Variants in AGBL4 observed in about 807,000 individuals in gnomAD.
AGBL4 encodes AGBL carboxypeptidase 4.
A neutral mutation model predicts 66.4 loss-of-function variants in AGBL4; 58 were observed. That is an observed-to-expected ratio of 0.87 (90% CI 0.71 to 1.09). The LOEUF (loss-of-function observed/expected upper bound fraction) is 1.09. Ranked by LOEUF, AGBL4 falls within the 50% of genes least tolerant of loss-of-function variation. AGBL4 has a pLI of 0.00. For missense variants in AGBL4, 579 were observed against 631.0 expected, an observed-to-expected ratio of 0.92 and a Z score of 0.88; for synonymous variants, 234 against 222.9, an observed-to-expected ratio of 1.05 and a Z score of -0.44.
In AGBL4 at chr1:48,721,770, C is replaced by A. The variant is rs530923458; in HGVS notation, c.635-58529G>T. Among the ~76,000 whole-genome samples the A allele has an allele frequency of 3.3e-5, 5 of 152,282 alleles. No individual in the cohort carries two copies. In the East Asian group the frequency reaches 9.6e-4, roughly 29 times the overall value. On this transcript the variant is annotated intron_variant, in intron 6 of 13. Transcript: ENST00000371839. ...GCACTGGGACTGAGTTGTGGTGACC[C>A]CAGGTTTGTCTCTGCTCCGTTGCTC...
At chr1:49,794,880 T>C (rs2147935634) in intron 2 of AGBL4, among the ~76,000 whole-genome samples, 1 of 152,076 alleles carries the variant, frequency 6.6e-6, no homozygotes, top group South Asian at 2.1e-4. Context: ...TTTTGAGGTC[T>C]AGAAATTGGT....
intron 3 of AGBL4, among the ~76,000 whole-genome samples, chr1:49,621,664 G>T (rs1014956413): frequency 2.6e-4 from 40 of 152,186 alleles, no homozygotes; most frequent in Non-Finnish European, 2.9e-5. Flanking sequence ...TTCCTAATTA[G>T]ATGGGGAGGA....
chr1:48,525,298 A>G, the AGBL4 span, among the ~76,000 whole-genome samples: 1 of 152,150 alleles, frequency 6.6e-6, no homozygotes, highest in Non-Finnish European at 1.5e-5. Flanking sequence ...GGTTCCCTAG[A>G]AGCTCAGGGC....
chr1:49,813,583 T>C (rs764900158), intron 2 of AGBL4, among the ~76,000 whole-genome samples: 6 of 152,164 alleles, frequency 3.9e-5, no homozygotes, highest in African/African-American at 7.2e-5. Flanking sequence ...TACTCACTTA[T>C]GTAATCAGTA....
At chr1:49,962,585 T>C (rs764448976) in intron 1 of AGBL4, among the ~76,000 whole-genome samples, 17 of 152,252 alleles carry the variant, frequency 1.1e-4, no homozygotes, top group South Asian at 1.0e-3. Flanking sequence ...ATAAAATATG[T>C]TTTCATTCAA....
intron 3 of AGBL4, among the ~76,000 whole-genome samples, chr1:49,324,831 T>C (rs1645197656): frequency 6.6e-6 from 1 of 152,236 alleles, no homozygotes. Flanking sequence ...TCTATATATA[T>C]ATCCAGTGTT....
At chr1:49,068,352 G>C (rs1240741789) in intron 4 of AGBL4, among the ~76,000 whole-genome samples, 2 of 151,458 alleles carry the variant, frequency 1.3e-5, no homozygotes, top group African/African-American at 2.4e-5. Flanking sequence ...TTTACATTAG[G>C]TATTTCTCCT....
At chr1:48,620,269 C>T (rs958013287) in intron 9 of AGBL4, among the ~76,000 whole-genome samples, 5 of 152,056 alleles carry the variant, frequency 3.3e-5, no homozygotes, top group African/African-American at 4.8e-5. Flanking sequence ...TATTTATTTA[C>T]GTATTTAAAT....
intron 8 of AGBL4, among the ~76,000 whole-genome samples, chr1:48,652,585 G>A (rs766590676): frequency 1.1e-4 from 16 of 152,162 alleles, no homozygotes; most frequent in African/African-American, 1.4e-4. Context: ...TGGGCCGAAC[G>A]AGCTCTAAAA....
chr1:49,180,239 G>C (rs543629843), intron 4 of AGBL4, among the ~76,000 whole-genome samples: 168 of 152,134 alleles, frequency 1.1e-3, no homozygotes, highest in Admixed American at 2.4e-3. Context: ...CTGTAAATAA[G>C]GACAATAATA....
chr1:49,207,578 C>CTTTCT (rs1553166438), intron 4 of AGBL4, among the ~76,000 whole-genome samples: 2 of 108,562 alleles, frequency 1.8e-5, no homozygotes, highest in Non-Finnish European at 3.9e-5. Context: ...TTCTTTCTTT[C>CTTTCT]TTTCTTTCTT....
intron 5 of AGBL4, among the ~76,000 whole-genome samples, chr1:48,912,709 G>T (rs1653248142): frequency 1.3e-5 from 2 of 152,150 alleles, no homozygotes; most frequent in Admixed American, 1.3e-4. Context: ...AGCCCCTAAT[G>T]AAACCTCATG....
At chr1:49,643,186 G>A (rs751261395) in intron 3 of AGBL4, among the ~76,000 whole-genome samples, 11 of 151,716 alleles carry the variant, frequency 7.3e-5, no homozygotes, top group Non-Finnish European at 1.0e-4. Flanking sequence ...TACACCAAAC[G>A]GGACTAAAGG....
rs112941189 is a variant in AGBL4 at position 49,725,325 on chromosome 1, G to C, written c.158-27888C>G. ...CTGAGTTCATGTCAAAACTTTTCTG[G>C]CTACAAATTGTTTCAAATCTATAAA... On this transcript the variant is annotated intron_variant, in intron 2 of 13. Transcript: ENST00000371839. Among the ~76,000 whole-genome samples the C allele has an allele frequency of 7.2e-5, 11 of 152,210 alleles. 1 individual carries two copies. Among genetic ancestry groups the C allele is most frequent in the African/African-American group, 2.6e-4 (11 of 41,538 alleles).
At chr1:48,700,700 A>T (rs1646787570) in intron 6 of AGBL4, among the ~76,000 whole-genome samples, 1 of 152,130 alleles carries the variant, frequency 6.6e-6, no homozygotes, top group Admixed American at 6.5e-5. Flanking sequence ...AAAGGAAGGG[A>T]GCTAAGAAGT....
intron 3 of AGBL4, among the ~76,000 whole-genome samples, chr1:49,491,042 T>C (rs2148743350): frequency 6.6e-6 from 1 of 151,898 alleles, no homozygotes; most frequent in South Asian, 2.1e-4. Context: ...TAAATATACA[T>C]ACCATGTCTC....
chr1:48,781,765 C>G (rs1557990019), intron 6 of AGBL4, among the ~76,000 whole-genome samples: 1 of 152,232 alleles, frequency 6.6e-6, no homozygotes, highest in South Asian at 2.1e-4. Context: ...ATACTAGGTT[C>G]ACCAAGACTC....
chr1:49,141,394 T>A (rs1400512155), intron 4 of AGBL4, among the ~76,000 whole-genome samples: 2 of 152,132 alleles, frequency 1.3e-5, no homozygotes, highest in Non-Finnish European at 2.9e-5. Context: ...TGCTAACACA[T>A]GTCAGGCCCT....
chr1:48,696,189 G>A (rs975673984), intron 6 of AGBL4, among the ~76,000 whole-genome samples: 7 of 152,132 alleles, frequency 4.6e-5, no homozygotes, highest in Admixed American at 3.9e-4. Context: ...GCTGCCAGGT[G>A]CCCAGCTAGG....
Sources: allele counts gnomAD v4.1 joint callset (sites outside exome capture counted in the v4.1 genomes callset), GRCh38; gene constraint gnomAD v4.1.1; transcripts MANE v1.5; gene names NCBI Gene and HGNC (gene_info 2026-07-23, HGNC 2026-07-21).